Variants in SLTM observed in about 807,000 individuals in gnomAD.
The protein encoded by SLTM is SAFB like transcription modulator.
A neutral mutation model predicts 134.6 loss-of-function variants in SLTM; 43 were observed. The observed-to-expected ratio is 0.32, with a 90% CI of 0.25 to 0.41. The LOEUF (loss-of-function observed/expected upper bound fraction) is 0.41. SLTM is among the 10% of genes least tolerant of loss of function. SLTM has a pLI of 1.00. For missense variants in SLTM, 1,055 were observed against 1,288.8 expected (o/e 0.82, Z 2.78); for synonymous variants, 424 against 432.3 (o/e 0.98, Z 0.24).
intron 5 of SLTM, among the ~76,000 whole-genome samples, chr15:58,910,169 T>C (rs2036157683): frequency 6.6e-6 from 1 of 152,208 alleles, no homozygotes; most frequent in Non-Finnish European, 1.5e-5. Flanking sequence ...GGAAATATGT[T>C]TGGATTTGTT....
intron 6 of SLTM, chr15:58,901,041 T>TA (rs1399400111): frequency 8.1e-6 from 4 of 495,054 alleles, no homozygotes; most frequent in Non-Finnish European, 1.1e-5. Flanking sequence ...TTCACTACAG[T>TA]AACTGATATG....
intron 2 of SLTM, among the ~76,000 whole-genome samples, chr15:58,917,258 A>C (rs1203385192): frequency 1.4e-4 from 21 of 152,146 alleles, no homozygotes; most frequent in Admixed American, 1.4e-3. Flanking sequence ...TATATGGTGC[A>C]TTTTTCTTTA....
chr15:58,894,079 T>C lies in SLTM; in HGVS notation c.1481+11A>G, dbSNP rs182249618. The C allele has an allele frequency of 5.5e-4, 880 of 1,593,624 alleles. No homozygotes were observed. The highest frequency in any genetic ancestry group is 7.4e-4 in the Non-Finnish European group (861 of 1,171,278). The stretch of plus-strand genomic sequence containing the variant: ...GCTTATCAAAATAAATAAATAAAAA[T>C]AAATCCTTACTTGCTACTTCTATCA... On this transcript the variant is annotated intron_variant, in intron 11 of 20. Transcript: ENST00000380516.
chr15:58,933,278 C>T, intron 1 of SLTM, 126 bp downstream of exon 1: 1 of 1,051,640 alleles, frequency 9.5e-7, no homozygotes, highest in South Asian at 2.1e-5. Context: ...CGCCCCTGGC[C>T]TCCCTACCAT....
At chr15:58,882,865 C>G (rs1471076513) in intron 20 of SLTM, among the ~76,000 whole-genome samples, 1 of 152,208 alleles carries the variant, frequency 6.6e-6, no homozygotes, top group East Asian at 1.9e-4. Context: ...AAGCTCGCCT[C>G]TTAACGTATG....
At chr15:58,901,772 C>A (rs1174186537) in intron 5 of SLTM, among the ~76,000 whole-genome samples, 2 of 152,052 alleles carry the variant, frequency 1.3e-5, no homozygotes, top group Non-Finnish European at 2.9e-5. Flanking sequence ...TTAAGTATAT[C>A]AGACATTAGA....
At chr15:58,897,315 A>G (rs1450292183) in intron 8 of SLTM, 82 bp from the exon 9 acceptor site, 1 of 784,328 alleles carries the variant, frequency 1.3e-6, no homozygotes, top group Non-Finnish European at 2.1e-6. Flanking sequence ...TTCTTTCAAA[A>G]CTATAATTTT....
intron 2 of SLTM, among the ~76,000 whole-genome samples, chr15:58,924,531 T>C (rs2037327375): frequency 6.6e-6 from 1 of 152,162 alleles, no homozygotes; most frequent in East Asian, 1.9e-4. Flanking sequence ...CACAGAAACA[T>C]TTTGTGCAAT....
At chr15:58,909,416 G>A (rs574058555) in intron 5 of SLTM, among the ~76,000 whole-genome samples, 2 of 152,294 alleles carry the variant, frequency 1.3e-5, no homozygotes, top group East Asian at 1.9e-4. Flanking sequence ...CTGAAAATTG[G>A]TAAATAAAAA....
At chr15:58,928,353 C>A (rs1432453038) in intron 2 of SLTM, among the ~76,000 whole-genome samples, 9 of 152,108 alleles carry the variant, frequency 5.9e-5, no homozygotes, top group African/African-American at 2.2e-4. Context: ...TTAATATAAC[C>A]GTAAACTTCA....
chr15:58,907,427 G>C (rs1233187985), intron 5 of SLTM, among the ~76,000 whole-genome samples: 1 of 152,130 alleles, frequency 6.6e-6, no homozygotes. Context: ...TTTGAGACCA[G>C]ACTGGGCAAC....
intron 2 of SLTM, among the ~76,000 whole-genome samples, chr15:58,923,645 T>C (rs1394884542): frequency 6.6e-6 from 1 of 152,156 alleles, no homozygotes; most frequent in Admixed American, 6.5e-5. Flanking sequence ...CTACCCGATT[T>C]AAACCTTTGC....
At chr15:58,928,147 A>G (rs1398006584) in intron 2 of SLTM, among the ~76,000 whole-genome samples, 2 of 152,230 alleles carry the variant, frequency 1.3e-5, no homozygotes, top group Non-Finnish European at 2.9e-5. Flanking sequence ...ATTGCATTAC[A>G]TATAGTTCTA....
chr15:58,901,022 AT>A (rs1328400590), intron 6 of SLTM: 8 of 401,646 alleles, frequency 2.0e-5, no homozygotes, highest in African/African-American at 1.5e-4. Context: ...TAAATAAAAA[AT>A]AGCATTGTTC....
intron 2 of SLTM, among the ~76,000 whole-genome samples, chr15:58,924,715 T>G (rs537430802): frequency 2.0e-5 from 3 of 152,328 alleles, no homozygotes; most frequent in African/African-American, 7.2e-5. Flanking sequence ...TTATAAGGGT[T>G]TGCAATTTTC....
chr15:58,933,274 T>G (rs2038020569), intron 1 of SLTM, 130 bp downstream of exon 1: 1 of 995,908 alleles, frequency 1.0e-6, no homozygotes, highest in Non-Finnish European at 1.4e-6. Context: ...GAGCCGCCCC[T>G]GGCCTCCCTA....
chr15:58,886,218 AGTGTGTGTGTGTGT>A lies in SLTM; in HGVS notation c.2835+743_2835+756del, dbSNP rs60261686. Among the ~76,000 whole-genome samples the A allele has an allele frequency of 8.5e-3, 1,063 of 124,468 alleles. 5 individuals carry two copies. Among genetic ancestry groups the A allele is most frequent in the East Asian group, 0.017 (75 of 4,326 alleles). The allele number at this position is 124,468 out of a possible 152,430, so 81.7% of individuals were successfully genotyped here. ...TTAAATGAAGCAGGAGAAAAAGAAGAGTGTGTGTGTGTGTGTGTGTGTGTGTGTGTGTGTGTGTG... is the reference window on the plus strand; with the variant it reads ...TTAAATGAAGCAGGAGAAAAAGAAGAGTGTGTGTGTGTGTGTGTGTGTGTG... On this transcript the variant is annotated intron_variant, in intron 19 of 20. Coordinates refer to ENST00000380516, the MANE Select transcript of SLTM (RefSeq NM_024755.4).
chr15:58,920,540 C>T (rs1230820630), intron 2 of SLTM, among the ~76,000 whole-genome samples: 3 of 151,434 alleles, frequency 2.0e-5, no homozygotes, highest in African/African-American at 7.3e-5. Context: ...GGAGAATCAC[C>T]TGAACCCGGG....
chr15:58,913,565 CTT>C lies in SLTM; in HGVS notation c.445_446del (p.Lys149GlufsTer4). On this transcript the variant is annotated frameshift_variant, in exon 4 of 21. Transcript: ENST00000380516. LOFTEE classifies it high-confidence loss of function. ...SKELLSAEEN[K>X]RAHELIEAEG... ...CTGCCTCTATTAATTCATGAGCTCTCTTGTTTTCTTCTGCAGAGAGTAACTCC... is the reference window on the plus strand; with the variant it reads ...CTGCCTCTATTAATTCATGAGCTCTCGTTTTCTTCTGCAGAGAGTAACTCC... 1.9e-6 allele frequency: 3 copies of C among 1,613,406 alleles called. No homozygotes were observed. Among genetic ancestry groups the C allele is most frequent in the Non-Finnish European group, 2.5e-6 (3 of 1,179,864 alleles).
Sources: gnomAD v4.1 joint callset for allele counts (sites outside exome capture counted in the v4.1 genomes callset) on GRCh38, gnomAD v4.1.1 for gene constraint, MANE v1.5 for transcripts, NCBI Gene and HGNC (gene_info 2026-07-23, HGNC 2026-07-21) for gene names.